Variants in TBC1D16 observed in about 807,000 individuals in gnomAD.
The protein encoded by TBC1D16 is CTD-2529O21.1.
TBC1D16 carries 58 observed loss-of-function variants against 74.7 expected under a neutral mutation model. The observed-to-expected ratio is 0.78, with a 90% confidence interval of 0.63 to 0.97. TBC1D16 has a LOEUF of 0.97. TBC1D16 is among the 50% of genes least tolerant of loss of function. The pLI, the probability that TBC1D16 is intolerant of heterozygous loss-of-function variation, is 0.00. For missense variants in TBC1D16, 1,014 were observed against 1,079.5 expected (o/e 0.94, Z 0.85); for synonymous variants, 493 against 474.7 (o/e 1.04, Z -0.50).
At position 79,986,665 on chromosome 17, in the gene TBC1D16, T is replaced by TA. The variant is rs1230013224; in HGVS notation, c.779+23494dup. On this transcript the variant is annotated intron_variant, in intron 3 of 11. Transcript: ENST00000310924. This position sits in a 1 kb window ranked among gnomAD's most constrained non-coding sequence, Gnocchi z 6.0. ...AGCACCCGAGTTCTTTGCCTCTTAT[T>TA]AAAGGGCAGAGCCACCATGGTGGGT... Among the ~76,000 whole-genome samples, 1 of 152,126 alleles carries TA rather than the reference T, an allele frequency of 6.6e-6. No individual in the cohort carries two copies. The highest frequency in any genetic ancestry group is 1.5e-5 in the Non-Finnish European group (1 of 68,014).
At chr17:79,989,103 C>G (rs887748703) in intron 3 of TBC1D16, among the ~76,000 whole-genome samples, 7 of 152,246 alleles carry the variant, frequency 4.6e-5, no homozygotes, top group Admixed American at 3.9e-4. Context: ...CAATCCTTCT[C>G]AGGGCTCCAC....
chr17:80,029,416 C>T (rs536537153), intron 1 of TBC1D16, among the ~76,000 whole-genome samples: 16 of 152,278 alleles, frequency 1.1e-4, no homozygotes, highest in East Asian at 1.9e-4. Flanking sequence ...GTTAACCACA[C>T]ATGTTCCCTT....
rs758964394 is a variant in TBC1D16, at chr17:79,942,034, G to A, written c.2055+26C>T. The A allele has an allele frequency of 1.4e-5, 23 of 1,593,136 alleles. No individual in the cohort carries two copies. In the Admixed American group the frequency reaches 2.6e-4, roughly 18 times the overall value. ...TGGGGCTTTGGGGGCGGGGCGGGGT[G>A]GGGCCCACATCTGGGGCAGCCTCAC... On this transcript the variant is annotated intron_variant, in intron 11 of 11. Coordinates refer to ENST00000310924, the MANE Select transcript of TBC1D16 (RefSeq NM_019020.4).
chr17:80,013,396 C>A lies in TBC1D16; in HGVS notation c.152G>T (p.Gly51Val), dbSNP rs1375857714. The A allele has an allele frequency of 1.2e-6, 2 of 1,609,014 alleles. No individual in the cohort carries two copies. The highest frequency in any genetic ancestry group is 3.4e-5 in the Admixed American group (2 of 59,462). The change falls in exon 2 of 12, where the codon GGG becomes GTG. Residue 51 changes from glycine to valine, a missense_variant. Gly to Val is a moderately radical substitution (Grantham distance 109). Transcript: ENST00000310924. ...GTGGTGCTCCCCCAGCCCCTGCAGC[C>A]CCTCCGGCGGGTGCACGCAGACATT... is the stretch of plus-strand genomic sequence containing the variant. ...KNNVCVHPPE[G>V]LQGLGEHHPG...
chr17:79,946,402 G>T (rs997498736), intron 9 of TBC1D16, among the ~76,000 whole-genome samples: 1 of 152,308 alleles, frequency 6.6e-6, no homozygotes, highest in Non-Finnish European at 1.5e-5. Flanking sequence ...GGGAATGCTC[G>T]CTGGCCCGTC....
rs972117556 is a variant in TBC1D16 at position 80,013,349 on chromosome 17, T to C, written c.181+18A>G. On this transcript the variant is annotated intron_variant, in intron 2 of 11. Transcript: ENST00000310924. ...ACCTGGGCTGTGCGACCCTGGAGCC[T>C]CGCCTGCCCTGGCTCACCTGGGTGG... 2.5e-6 allele frequency: 4 copies of C among 1,587,028 alleles called. No homozygotes were observed. Among genetic ancestry groups the C allele is most frequent in the Admixed American group, 1.8e-5 (1 of 56,318 alleles).
At position 79,971,571 on chromosome 17, in the gene TBC1D16, C is replaced by T. The variant is rs2034105969; in HGVS notation, c.780-18753G>A. Among the ~76,000 whole-genome samples, 2 of 152,118 alleles carry T rather than the reference C, an allele frequency of 1.3e-5. No homozygotes were observed. Among genetic ancestry groups the T allele is most frequent in the African/African-American group, 4.8e-5 (2 of 41,424 alleles). ...ATCTTCCCATGTTGCTGGTAGACAC[C>T]ATTTTGGAATAATGGCTCAGGGGCA... On this transcript the variant is annotated intron_variant, in intron 3 of 11. Coordinates refer to ENST00000310924, the MANE Select transcript of TBC1D16 (RefSeq NM_019020.4). The surrounding 1 kb of genome is among the most constrained non-coding windows in gnomAD (Gnocchi z 4.6).
intron 3 of TBC1D16, among the ~76,000 whole-genome samples, chr17:80,003,528 G>A (rs2035568580): frequency 6.6e-6 from 1 of 152,138 alleles, no homozygotes; most frequent in Non-Finnish European, 1.5e-5. Context: ...GCAGCGCAGT[G>A]GGAGATGCTT....
intron 3 of TBC1D16, among the ~76,000 whole-genome samples, chr17:79,984,033 A>G (rs1220643208): frequency 4.6e-5 from 2 of 43,138 alleles, no homozygotes; most frequent in African/African-American, 1.9e-4. Flanking sequence ...GCACCTGACT[A>G]TTTATTTTGT....
rs2034706055 is a variant in TBC1D16, at chr17:79,983,999, C to T, written c.779+26161G>A. Among the ~76,000 whole-genome samples the T allele has an allele frequency of 6.9e-6, 1 of 144,894 alleles. No homozygotes were observed. The highest frequency in any genetic ancestry group is 7.5e-5 in the Admixed American group (1 of 13,328). ...CTCCCTCCTCAGCCTCCCTGAGTAG[C>T]TGGGACTACAGGCAGGCACCACAGC... is the stretch of plus-strand genomic sequence containing the variant. On this transcript the variant is annotated intron_variant, in intron 3 of 11. Transcript: ENST00000310924. The surrounding 1 kb of genome is among the most constrained non-coding windows in gnomAD (Gnocchi z 5.6).
Position 79,954,049 on chromosome 17 carries a change from C to A in TBC1D16, c.780-1231G>T, listed in dbSNP as rs1290659234. On this transcript the variant is annotated intron_variant, in intron 3 of 11. Coordinates refer to ENST00000310924, the MANE Select transcript of TBC1D16 (RefSeq NM_019020.4). This position sits in a 1 kb window ranked among gnomAD's most constrained non-coding sequence, Gnocchi z 5.5. ...CCTCCAAAAGTGTTGGGATTACAGGCGTGAGCCATCGCGCCTGACACTCTC... is the reference window on the plus strand; with the variant it reads ...CCTCCAAAAGTGTTGGGATTACAGGAGTGAGCCATCGCGCCTGACACTCTC... Among the ~76,000 whole-genome samples, 1 of 152,170 alleles carries A rather than the reference C, an allele frequency of 6.6e-6. No individual in the cohort carries two copies. Among genetic ancestry groups the A allele is most frequent in the South Asian group, 2.1e-4 (1 of 4,822 alleles).
intron 3 of TBC1D16, 46 bp from the exon 4 acceptor site, chr17:79,952,864 A>G (rs1221006951): frequency 6.4e-7 from 1 of 1,569,746 alleles, no homozygotes. Context: ...CTCCCTGCCC[A>G]CACTACCCAG....
intron 1 of TBC1D16, among the ~76,000 whole-genome samples, chr17:80,018,395 C>T (rs1310904017): frequency 6.7e-6 from 1 of 149,352 alleles, no homozygotes; most frequent in Non-Finnish European, 1.5e-5. Context: ...CATTCTCCTG[C>T]TTCAGCCTCC....
In TBC1D16 at chr17:79,954,415, T is replaced by C. The variant is rs577008996; in HGVS notation, c.780-1597A>G. On this transcript the variant is annotated intron_variant, in intron 3 of 11. Transcript: ENST00000310924. This position sits in a 1 kb window ranked among gnomAD's most constrained non-coding sequence, Gnocchi z 5.5. Reference sequence around the variant, plus strand: ...CTGGTGAGTGGCAGGTGGCCTTTCTTCCCCACCTGCCTAAGGAAGTCAGCC... The same window carrying C: ...CTGGTGAGTGGCAGGTGGCCTTTCTCCCCCACCTGCCTAAGGAAGTCAGCC... 3.3e-5 allele frequency among the ~76,000 whole-genome samples: 5 copies of C among 152,194 alleles called. No homozygotes were observed. Among genetic ancestry groups the C allele is most frequent in the East Asian group, 1.9e-4 (1 of 5,168 alleles).
intron 1 of TBC1D16, among the ~76,000 whole-genome samples, chr17:80,031,172 G>A (rs907972966): frequency 3.9e-5 from 6 of 152,214 alleles, no homozygotes; most frequent in South Asian, 2.1e-4. Flanking sequence ...CCCAGTCCCC[G>A]GGCAGCAGGC....
At chr17:79,995,467 A>C (rs1309832297) in intron 3 of TBC1D16, among the ~76,000 whole-genome samples, 1 of 151,902 alleles carries the variant, frequency 6.6e-6, no homozygotes, top group Non-Finnish European at 1.5e-5. Flanking sequence ...ACCCCGTAAA[A>C]CTTTTAGGAA....
In TBC1D16 at chr17:80,007,462, C is replaced by A. The variant is rs1296919180; in HGVS notation, c.779+2698G>T. On this transcript the variant is annotated intron_variant, in intron 3 of 11. Transcript: ENST00000310924. The surrounding 1 kb of genome is among the most constrained non-coding windows in gnomAD (Gnocchi z 4.5). Reference sequence around the variant, plus strand: ...GATGATGCCAGGACTGGAAACAGATCTGTCGGACCCCAAAATTTACTCCTT... The same window carrying A: ...GATGATGCCAGGACTGGAAACAGATATGTCGGACCCCAAAATTTACTCCTT... Among the ~76,000 whole-genome samples, 1 of 152,212 alleles carries A rather than the reference C, an allele frequency of 6.6e-6. No individual in the cohort carries two copies. Among genetic ancestry groups the A allele is most frequent in the Admixed American group, 6.5e-5 (1 of 15,280 alleles).
intron 3 of TBC1D16, among the ~76,000 whole-genome samples, chr17:79,957,633 T>C (rs1324635577): frequency 2.0e-5 from 3 of 152,086 alleles, no homozygotes; most frequent in Non-Finnish European, 4.4e-5. Context: ...CAGGTGTCTT[T>C]ATACATTTGT....
rs372532842 is a variant in TBC1D16 at position 79,954,946 on chromosome 17, G to C, written c.780-2128C>G. 6.6e-5 allele frequency among the ~76,000 whole-genome samples: 10 copies of C among 152,134 alleles called. No individual in the cohort carries two copies. The East Asian group carries it at 1.4e-3, about 21-fold the overall frequency. ...CAGACAGAACACAGAGACTCGCTTT[G>C]GCAGTCACGGATGGAGGGCCCCCTC... is the stretch of plus-strand genomic sequence containing the variant. On this transcript the variant is annotated intron_variant, in intron 3 of 11. Transcript: ENST00000310924. The surrounding 1 kb of genome is among the most constrained non-coding windows in gnomAD (Gnocchi z 5.5).
Sources: allele counts gnomAD v4.1 joint callset (sites outside exome capture counted in the v4.1 genomes callset), GRCh38; gene constraint gnomAD v4.1.1; non-coding constraint Gnocchi (gnomAD v3.1); transcripts MANE v1.5; gene names NCBI Gene and HGNC (gene_info 2026-07-23, HGNC 2026-07-21).